Variants in HS2ST1 observed in about 807,000 individuals in gnomAD.
The protein encoded by HS2ST1 is 2-O-sulfotransferase.
HS2ST1 carries 18 observed loss-of-function variants against 42.9 expected under a neutral mutation model. The observed-to-expected ratio is 0.42, with a 90% CI of 0.29 to 0.62. HS2ST1 has a LOEUF of 0.62. Ranked by LOEUF, HS2ST1 falls within the 20% of genes least tolerant of loss-of-function variation. HS2ST1 has a pLI of 0.21. For synonymous variants in HS2ST1, 146 were observed against 152.9 expected, an observed-to-expected ratio of 0.95 and a Z score of 0.33; for missense variants, 334 against 433.8, an observed-to-expected ratio of 0.77 and a Z score of 2.04.
chr1:86,984,663 A>G (rs2102223799), intron 1 of HS2ST1, among the ~76,000 whole-genome samples: 1 of 152,214 alleles, frequency 6.6e-6, no homozygotes, highest in South Asian at 2.1e-4. Context: ...AGGTGGGCAG[A>G]TCACCTGAGG....
intron 1 of HS2ST1, among the ~76,000 whole-genome samples, chr1:87,024,383 C>A (rs764942464): frequency 4.6e-5 from 7 of 152,130 alleles, no homozygotes; most frequent in Middle Eastern, 3.4e-3. Flanking sequence ...CGACTGTAAT[C>A]CCAGCTAATC....
At chr1:87,048,383 C>CT (rs1373100891) in intron 1 of HS2ST1, among the ~76,000 whole-genome samples, 1 of 152,124 alleles carries the variant, frequency 6.6e-6, no homozygotes, top group East Asian at 1.9e-4. Context: ...GTGTGCCTTT[C>CT]TTTTTCTTGC....
intron 1 of HS2ST1, among the ~76,000 whole-genome samples, chr1:87,058,156 C>T (rs1310578141): frequency 6.6e-6 from 1 of 151,700 alleles, no homozygotes; most frequent in Non-Finnish European, 1.5e-5. Flanking sequence ...CTGATTTCAG[C>T]TCTCATCAGT....
intron 5 of HS2ST1, among the ~76,000 whole-genome samples, chr1:87,102,648 T>C (rs1652241114): frequency 6.6e-6 from 1 of 152,258 alleles, no homozygotes; most frequent in Non-Finnish European, 1.5e-5. Context: ...ACTTGCTCTA[T>C]TGGGCATTTT....
chr1:87,047,370 T>C (rs111849370), intron 1 of HS2ST1, among the ~76,000 whole-genome samples: 2 of 998 alleles, frequency 2.0e-3, no homozygotes, highest in South Asian at 0.045. Context: ...TTTCACAAAT[T>C]TTTTTCCTTT....
In HS2ST1 at chr1:86,983,566, G is replaced by A. The variant is rs11577549; in HGVS notation, c.124+68406G>A. On this transcript the variant is annotated intron_variant, in intron 1 of 6. Coordinates refer to ENST00000370550, the MANE Select transcript of HS2ST1 (RefSeq NM_012262.4). ...CAATTTGAGATGAGATTTGGGTGGGGACACAAAGCCAAACCATATTAAAAT... is the reference window on the plus strand; with the variant it reads ...CAATTTGAGATGAGATTTGGGTGGGAACACAAAGCCAAACCATATTAAAAT... Among the ~76,000 whole-genome samples, 465 of 152,036 alleles carry A rather than the reference G, an allele frequency of 3.1e-3. 1 individual carries two copies. Among genetic ancestry groups the A allele is most frequent in the Non-Finnish European group, 5.6e-3 (380 of 67,996 alleles).
chr1:87,023,931 C>T (rs1175089451), intron 1 of HS2ST1, among the ~76,000 whole-genome samples: 2 of 151,526 alleles, frequency 1.3e-5, no homozygotes, highest in African/African-American at 4.9e-5. Context: ...TGATGAAGAG[C>T]CATTGGAGAA....
intron 1 of HS2ST1, among the ~76,000 whole-genome samples, chr1:87,021,162 T>C (rs1159863417): frequency 2.0e-5 from 3 of 152,156 alleles, no homozygotes; most frequent in Non-Finnish European, 2.9e-5. Flanking sequence ...ATAAAAAAAA[T>C]TACCAGCAGG....
At chr1:86,975,107 C>T (rs1048278456) in intron 1 of HS2ST1, among the ~76,000 whole-genome samples, 18 of 151,938 alleles carry the variant, frequency 1.2e-4, no homozygotes, top group Non-Finnish European at 1.5e-4. Context: ...GTTGGCATAC[C>T]CTTATGTATC....
chr1:87,022,021 G>A (rs891155076), intron 1 of HS2ST1, among the ~76,000 whole-genome samples: 1 of 152,128 alleles, frequency 6.6e-6, no homozygotes, highest in Non-Finnish European at 1.5e-5. Flanking sequence ...GAGGTATCAG[G>A]TATACTGTTT....
At chr1:87,018,131 G>GCC (rs947400651) in intron 1 of HS2ST1, among the ~76,000 whole-genome samples, 3 of 45,760 alleles carry the variant, frequency 6.6e-5, no homozygotes, top group African/African-American at 1.5e-4. Flanking sequence ...ATAAATAAAA[G>GCC]CCACACACAC....
intron 1 of HS2ST1, among the ~76,000 whole-genome samples, chr1:86,922,943 G>T (rs1250739936): frequency 1.3e-5 from 2 of 151,970 alleles, no homozygotes; most frequent in South Asian, 2.1e-4. Flanking sequence ...CTCCTCTCAG[G>T]AACTCAAAAT....
chr1:86,951,095 G>T (rs1230847725), intron 1 of HS2ST1, among the ~76,000 whole-genome samples: 1 of 152,190 alleles, frequency 6.6e-6, no homozygotes, highest in East Asian at 1.9e-4. Flanking sequence ...ATTTGTTTCA[G>T]CCAGAATTTA....
intron 5 of HS2ST1, among the ~76,000 whole-genome samples, chr1:87,098,748 G>A (rs1269760530): frequency 2.0e-5 from 3 of 152,162 alleles, no homozygotes; most frequent in Non-Finnish European, 2.9e-5. Flanking sequence ...ACTACAGGTT[G>A]TATCCTGCAG....
chr1:86,927,307 G>T (rs563117837), intron 1 of HS2ST1, among the ~76,000 whole-genome samples: 51 of 152,224 alleles, frequency 3.4e-4, no homozygotes, highest in African/African-American at 1.2e-3. Flanking sequence ...CTTCAACGTG[G>T]CATGGCACAA....
intron 1 of HS2ST1, among the ~76,000 whole-genome samples, chr1:87,063,765 T>C (rs1477203521): frequency 6.6e-6 from 1 of 152,226 alleles, no homozygotes; most frequent in Non-Finnish European, 1.5e-5. Context: ...CTTTAAGTCT[T>C]TGATAAATTT....
At chr1:87,010,574 C>T (rs1452608112) in intron 1 of HS2ST1, among the ~76,000 whole-genome samples, 1 of 151,758 alleles carries the variant, frequency 6.6e-6, no homozygotes, top group African/African-American at 2.4e-5. Context: ...TTTGGAGTAA[C>T]AAATTAAACA....
intron 1 of HS2ST1, among the ~76,000 whole-genome samples, chr1:87,016,419 A>G (rs916386824): frequency 9.9e-5 from 15 of 152,164 alleles, no homozygotes; most frequent in South Asian, 4.1e-4. Context: ...TCAGTGAATT[A>G]ATTAATTCTT....
chr1:86,921,750 G>A (rs1660305256), intron 1 of HS2ST1, among the ~76,000 whole-genome samples: 1 of 152,110 alleles, frequency 6.6e-6, no homozygotes, highest in African/African-American at 2.4e-5. Context: ...ATACATTTCT[G>A]TTTTCTATAA....
Sources: allele counts gnomAD v4.1 joint callset (sites outside exome capture counted in the v4.1 genomes callset), GRCh38; gene constraint gnomAD v4.1.1; transcripts MANE v1.5; gene names NCBI Gene and HGNC (gene_info 2026-07-23, HGNC 2026-07-21).